The following MARCHF4 variants were observed in gnomAD, a reference collection of about 807,000 sequenced individuals.
MARCHF4 encodes the protein membrane associated ring-CH-type finger 4, also known as E3 ubiquitin-protein ligase MARCHF4.
Under a neutral mutation model 43.9 loss-of-function variants are expected in MARCHF4, and 14 were observed. That is an observed-to-expected ratio of 0.32 (90% CI 0.21 to 0.50). The LOEUF (loss-of-function observed/expected upper bound fraction) is 0.50, where lower values mean the gene tolerates loss of function less well. MARCHF4 is among the 20% of genes least tolerant of loss of function. The probability of loss-of-function intolerance (pLI) is 0.98; values close to 1 mark genes in which losing one functional copy is unlikely to be tolerated. For missense variants in MARCHF4, 468 were observed against 536.7 expected (o/e 0.87, Z 1.27); for synonymous variants, 226 against 213.3 (o/e 1.06, Z -0.52).
intron 1 of MARCHF4, among the ~76,000 whole-genome samples, chr2:216,316,765 G>A (rs545930593): frequency 1.3e-5 from 2 of 152,048 alleles, no homozygotes; most frequent in Non-Finnish European, 2.9e-5. Context: ...GCAGGTCCAA[G>A]GTGTTGTCCA....
At chr2:216,363,636 T>A (rs1329473783) in intron 1 of MARCHF4, among the ~76,000 whole-genome samples, 1 of 152,194 alleles carries the variant, frequency 6.6e-6, no homozygotes, top group Non-Finnish European at 1.5e-5. Flanking sequence ...TGGAGGTAAC[T>A]GTGCTCCCCC....
At chr2:216,320,983 T>G (rs533766940) in intron 1 of MARCHF4, among the ~76,000 whole-genome samples, 1 of 151,440 alleles carries the variant, frequency 6.6e-6, no homozygotes, top group Non-Finnish European at 1.5e-5. Flanking sequence ...CAGATGCCTC[T>G]TTTTCTTTAA....
At chr2:216,261,615 G>A (rs2105930256) in intron 3 of MARCHF4, among the ~76,000 whole-genome samples, 1 of 152,308 alleles carries the variant, frequency 6.6e-6, no homozygotes, top group East Asian at 1.9e-4. Flanking sequence ...TTTTGGTCAT[G>A]GTTAGTTTAA....
chr2:216,354,454 G>GT (rs1467279132), intron 1 of MARCHF4, among the ~76,000 whole-genome samples: 3 of 152,130 alleles, frequency 2.0e-5, no homozygotes, highest in Non-Finnish European at 4.4e-5. Context: ...CTCCTGTGTG[G>GT]TTTTTTAGCA....
At chr2:216,352,576 T>G (rs893128883) in intron 1 of MARCHF4, among the ~76,000 whole-genome samples, 2 of 152,098 alleles carry the variant, frequency 1.3e-5, no homozygotes, top group Non-Finnish European at 2.9e-5. Context: ...AGGCTGGTCC[T>G]GAACTCCTGG....
At chr2:216,278,152 A>G (rs1177986498) in intron 2 of MARCHF4, among the ~76,000 whole-genome samples, 2 of 152,200 alleles carry the variant, frequency 1.3e-5, no homozygotes, top group African/African-American at 4.8e-5. Flanking sequence ...ATATACACAG[A>G]GAAATGGAGG....
At chr2:216,277,890 G>A in intron 2 of MARCHF4, 26 bp from the exon 3 acceptor site, 2 of 1,588,120 alleles carry the variant, frequency 1.3e-6, no homozygotes, top group African/African-American at 2.7e-5. Context: ...TGGCCAGTTA[G>A]CAGTTGCTTG....
At chr2:216,288,245 G>C (rs986628217) in intron 1 of MARCHF4, among the ~76,000 whole-genome samples, 5 of 152,214 alleles carry the variant, frequency 3.3e-5, no homozygotes. Context: ...GATTACAGGC[G>C]TGAGCCATTG....
intron 1 of MARCHF4, among the ~76,000 whole-genome samples, chr2:216,297,775 C>T (rs1691420245): frequency 6.6e-6 from 1 of 152,136 alleles, no homozygotes; most frequent in Non-Finnish European, 1.5e-5. Context: ...CTCGGCATCC[C>T]AAAGTAAGCC....
chr2:216,357,772 T>C (rs1201524554), intron 1 of MARCHF4, among the ~76,000 whole-genome samples: 1 of 152,260 alleles, frequency 6.6e-6, no homozygotes, highest in African/African-American at 2.4e-5. Context: ...TTTGAGAATA[T>C]ATTTATTGAC....
intron 1 of MARCHF4, among the ~76,000 whole-genome samples, chr2:216,329,457 A>C (rs1692050316): frequency 6.6e-6 from 1 of 152,156 alleles, no homozygotes; most frequent in Admixed American, 6.5e-5. Flanking sequence ...TCTTTGGATT[A>C]TTTCAGAAAT....
chr2:216,339,575 C>A (rs1692208005), intron 1 of MARCHF4, among the ~76,000 whole-genome samples: 1 of 152,240 alleles, frequency 6.6e-6, no homozygotes. Context: ...ACGCTTTTCT[C>A]TCTTGGCTGC....
At chr2:216,273,570 C>T (rs1282825677) in intron 3 of MARCHF4, among the ~76,000 whole-genome samples, 1 of 152,158 alleles carries the variant, frequency 6.6e-6, no homozygotes, top group Non-Finnish European at 1.5e-5. Flanking sequence ...TCCCTTCCAC[C>T]CACTCTCTGC....
intron 1 of MARCHF4, among the ~76,000 whole-genome samples, chr2:216,320,657 TTC>T (rs1691871646): frequency 8.2e-6 from 1 of 121,962 alleles, no homozygotes; most frequent in South Asian, 2.9e-4. Flanking sequence ...CTTTCTTTCT[TTC>T]TTTCTTTCTT....
intron 1 of MARCHF4, among the ~76,000 whole-genome samples, chr2:216,356,481 T>C (rs1692505287): frequency 6.6e-6 from 1 of 152,246 alleles, no homozygotes; most frequent in Admixed American, 6.5e-5. Flanking sequence ...GATATTTATT[T>C]TCATTAGCCC....
intron 1 of MARCHF4, among the ~76,000 whole-genome samples, chr2:216,342,403 T>C (rs1692251467): frequency 6.6e-6 from 1 of 152,182 alleles, no homozygotes; most frequent in African/African-American, 2.4e-5. Context: ...TCTGCCTGTC[T>C]CCAAGGAGGA....
chr2:216,349,781 G>A (rs540136992), intron 1 of MARCHF4, among the ~76,000 whole-genome samples: 13 of 152,252 alleles, frequency 8.5e-5, no homozygotes, highest in African/African-American at 1.9e-4. Context: ...CTGGAGGCTC[G>A]ACCAAAAGGT....
At chr2:216,295,453 T>C (rs552205984) in intron 1 of MARCHF4, among the ~76,000 whole-genome samples, 1 of 152,222 alleles carries the variant, frequency 6.6e-6, no homozygotes, top group East Asian at 1.9e-4. Flanking sequence ...AGAGATGGGG[T>C]CTCGCCATGT....
At chr2:216,290,797 G>T (rs148792835) in intron 1 of MARCHF4, among the ~76,000 whole-genome samples, 1 of 152,142 alleles carries the variant, frequency 6.6e-6, no homozygotes, top group Admixed American at 6.5e-5. Flanking sequence ...AGTCAAGAAT[G>T]ATGCTAATTT....
Sources: allele counts gnomAD v4.1 joint callset (sites outside exome capture counted in the v4.1 genomes callset), GRCh38; gene constraint gnomAD v4.1.1; transcripts MANE v1.5; gene names NCBI Gene and HGNC (gene_info 2026-07-23, HGNC 2026-07-21).